Variants in CLSTN2 observed in about 807,000 individuals in gnomAD.
The protein encoded by CLSTN2 is calsyntenin-2.
In CLSTN2, 48 loss-of-function variants were observed where a neutral mutation model predicts 101.2. That is an observed-to-expected ratio of 0.47 (90% CI 0.38 to 0.60). CLSTN2 has a LOEUF of 0.60. CLSTN2 is among the 20% of genes least tolerant of loss of function. The pLI is 0.00. For synonymous variants in CLSTN2, 481 were observed against 463.6 expected, an observed-to-expected ratio of 1.04 and a Z score of -0.48; for missense variants, 1,160 against 1,238.2, an observed-to-expected ratio of 0.94 and a Z score of 0.95.
At chr3:140,066,889 T>C (rs2008308332) in intron 1 of CLSTN2, among the ~76,000 whole-genome samples, 1 of 152,234 alleles carries the variant, frequency 6.6e-6, no homozygotes, top group Admixed American at 6.5e-5. Flanking sequence ...ACCAGTTGTC[T>C]GTGGCACTTC....
intron 1 of CLSTN2, among the ~76,000 whole-genome samples, chr3:140,170,741 A>T (rs1295692492): frequency 6.6e-6 from 1 of 152,326 alleles, no homozygotes. Flanking sequence ...CCCAGCAAGC[A>T]GGGTGGTAAG....
intron 2 of CLSTN2, among the ~76,000 whole-genome samples, chr3:140,382,291 C>G (rs192727485): frequency 6.6e-6 from 1 of 152,296 alleles, no homozygotes; most frequent in East Asian, 1.9e-4. Flanking sequence ...TAGCTTGAGT[C>G]TCCATGGGCC....
intron 2 of CLSTN2, among the ~76,000 whole-genome samples, chr3:140,373,010 C>A (rs973195692): frequency 6.6e-5 from 10 of 152,152 alleles, no homozygotes; most frequent in African/African-American, 2.2e-4. Flanking sequence ...TTAGAGACTG[C>A]AGTGAGCTGT....
intron 1 of CLSTN2, among the ~76,000 whole-genome samples, chr3:140,095,491 G>A (rs2008854617): frequency 6.6e-6 from 1 of 152,212 alleles, no homozygotes; most frequent in Non-Finnish European, 1.5e-5. Context: ...GGAAAGCTCA[G>A]TGCCATTAGT....
chr3:140,012,093 T>C (rs961236021), intron 1 of CLSTN2, among the ~76,000 whole-genome samples: 1 of 152,068 alleles, frequency 6.6e-6, no homozygotes, highest in African/African-American at 2.4e-5. Context: ...ACAAGGAAGA[T>C]GGACGGGAGG....
intron 2 of CLSTN2, among the ~76,000 whole-genome samples, chr3:140,260,032 G>A (rs1255789611): frequency 6.6e-6 from 1 of 151,370 alleles, no homozygotes; most frequent in African/African-American, 2.4e-5. Context: ...TCACTACCTG[G>A]GTGATGAAAT....
intron 2 of CLSTN2, among the ~76,000 whole-genome samples, chr3:140,346,170 T>C (rs1395120460): frequency 2.0e-5 from 3 of 152,206 alleles, no homozygotes; most frequent in Non-Finnish European, 4.4e-5. Flanking sequence ...ATGATTCTCT[T>C]TATCTGAAAG....
At chr3:140,361,522 T>G (rs1328454709) in intron 2 of CLSTN2, among the ~76,000 whole-genome samples, 1 of 152,132 alleles carries the variant, frequency 6.6e-6, no homozygotes, top group Non-Finnish European at 1.5e-5. Flanking sequence ...ACATTTGGAT[T>G]GGAAAGGAAG....
At chr3:140,145,364 A>G (rs2009765877) in intron 1 of CLSTN2, among the ~76,000 whole-genome samples, 1 of 152,226 alleles carries the variant, frequency 6.6e-6, no homozygotes, top group South Asian at 2.1e-4. Flanking sequence ...TCCTAGAGGC[A>G]TAAAGTTTCT....
At chr3:140,375,415 C>G (rs763871023) in intron 2 of CLSTN2, among the ~76,000 whole-genome samples, 74 of 152,310 alleles carry the variant, frequency 4.9e-4, no homozygotes, top group South Asian at 2.1e-4. Context: ...GACTGACATG[C>G]CTGGGAAGGC....
At chr3:140,018,869 A>G (rs904763403) in intron 1 of CLSTN2, among the ~76,000 whole-genome samples, 4 of 152,170 alleles carry the variant, frequency 2.6e-5, no homozygotes, top group Non-Finnish European at 5.9e-5. Context: ...TGTTCAACTT[A>G]TGTGTTCTCT....
chr3:140,383,980 C>T (rs916095962), intron 2 of CLSTN2, among the ~76,000 whole-genome samples: 17 of 152,172 alleles, frequency 1.1e-4, no homozygotes, highest in African/African-American at 3.4e-4. Context: ...CTGCTGGAAA[C>T]GGGTTACATT....
At chr3:140,472,368 G>A (rs771331201) in intron 8 of CLSTN2, among the ~76,000 whole-genome samples, 157 of 152,192 alleles carry the variant, frequency 1.0e-3, no homozygotes, top group Non-Finnish European at 1.9e-3. Context: ...AAGTGTGTTA[G>A]AATGATGCAG....
intron 2 of CLSTN2, among the ~76,000 whole-genome samples, chr3:140,397,080 A>G (rs2088190702): frequency 6.6e-6 from 1 of 152,188 alleles, no homozygotes; most frequent in Non-Finnish European, 1.5e-5. Flanking sequence ...AACTCAATAC[A>G]TATTAACACA....
At chr3:139,986,610 C>T (rs572569912) in intron 1 of CLSTN2, among the ~76,000 whole-genome samples, 4 of 152,260 alleles carry the variant, frequency 2.6e-5, no homozygotes, top group South Asian at 2.1e-4. Context: ...GATTATTCAG[C>T]GCCTAGATTA....
At chr3:140,185,017 T>G (rs2010466506) in intron 2 of CLSTN2, among the ~76,000 whole-genome samples, 1 of 152,192 alleles carries the variant, frequency 6.6e-6, no homozygotes, top group African/African-American at 2.4e-5. Flanking sequence ...GGAAAAATGT[T>G]GCCAGGTATC....
chr3:140,205,629 A>C (rs374441703), intron 2 of CLSTN2, among the ~76,000 whole-genome samples: 7,508 of 70,872 alleles, frequency 0.11, 1,020 homozygotes, highest in African/African-American at 0.19. Context: ...CCCCCCACCC[A>C]CACACACACA....
intron 2 of CLSTN2, among the ~76,000 whole-genome samples, chr3:140,351,758 T>A (rs563287530): frequency 2.0e-4 from 30 of 151,854 alleles, no homozygotes; most frequent in Non-Finnish European, 1.0e-4. Flanking sequence ...GGTCATATAA[T>A]CATCTTTGAA....
chr3:140,491,885 T>G (rs1289161823), intron 8 of CLSTN2, among the ~76,000 whole-genome samples: 1 of 152,190 alleles, frequency 6.6e-6, no homozygotes, highest in South Asian at 2.1e-4. Flanking sequence ...AGAAGAGGTA[T>G]GTGAATTTGT....
Sources: allele counts gnomAD v4.1 joint callset (sites outside exome capture counted in the v4.1 genomes callset), GRCh38; gene constraint gnomAD v4.1.1; transcripts MANE v1.5; gene names NCBI Gene and HGNC (gene_info 2026-07-23, HGNC 2026-07-21).